The following SGCZ variants were observed in gnomAD, a reference collection of about 807,000 sequenced individuals.
SGCZ encodes the protein zeta-sarcoglycan.
SGCZ carries 40 observed loss-of-function variants against 41.3 expected under a neutral mutation model. That is an observed-to-expected ratio of 0.97 (90% CI 0.75 to 1.26). The LOEUF (loss-of-function observed/expected upper bound fraction) is 1.26. Among genes scored for constraint, SGCZ ranks in the 50% most tolerant of loss-of-function variants. The pLI, the probability that SGCZ is intolerant of heterozygous loss-of-function variation, is 0.00. For synonymous variants in SGCZ, 206 were observed against 137.5 expected (o/e 1.50, Z -3.49); for missense variants, 552 against 369.8 (o/e 1.49, Z -4.04).
At chr8:15,209,507 G>A (rs11203687) in intron 1 of SGCZ, among the ~76,000 whole-genome samples, 118,093 of 150,192 alleles carry the variant, frequency 0.79, 46,916 homozygotes, top group Non-Finnish European at 0.83. Context: ...AAAAAAAGTG[G>A]CTTTCAGCTT....
At chr8:15,019,289 G>C (rs1168831205) in intron 1 of SGCZ, among the ~76,000 whole-genome samples, 2 of 152,154 alleles carry the variant, frequency 1.3e-5, no homozygotes, top group East Asian at 3.9e-4. Context: ...AGAAATGGAA[G>C]AATTTGGAAT....
intron 1 of SGCZ, among the ~76,000 whole-genome samples, chr8:15,025,155 A>C (rs148051534): frequency 5.2e-4 from 79 of 152,212 alleles, no homozygotes; most frequent in African/African-American, 1.9e-3. Flanking sequence ...AATGAAATTC[A>C]TAGTCTATTC....
chr8:14,130,829 T>A (rs564432296), intron 5 of SGCZ, among the ~76,000 whole-genome samples: 2 of 152,274 alleles, frequency 1.3e-5, no homozygotes, highest in African/African-American at 4.8e-5. Flanking sequence ...AGCTTCCCTT[T>A]TCTTTGTTGC....
intron 4 of SGCZ, among the ~76,000 whole-genome samples, chr8:14,181,663 T>C (rs1232252370): frequency 6.6e-6 from 1 of 152,212 alleles, no homozygotes; most frequent in Admixed American, 6.5e-5. Context: ...CAAGATCTGA[T>C]GGTTTTATAA....
At chr8:14,126,086 A>G (rs1367677001) in intron 5 of SGCZ, among the ~76,000 whole-genome samples, 1 of 152,232 alleles carries the variant, frequency 6.6e-6, no homozygotes, top group African/African-American at 2.4e-5. Flanking sequence ...TTTTATGGTG[A>G]CATAGCCAAA....
At chr8:14,184,983 G>A (rs553257895) in intron 4 of SGCZ, among the ~76,000 whole-genome samples, 2 of 152,076 alleles carry the variant, frequency 1.3e-5, no homozygotes, top group South Asian at 4.1e-4. Context: ...TTGACTAAGG[G>A]GTAGTAATTT....
intron 1 of SGCZ, among the ~76,000 whole-genome samples, chr8:14,637,404 T>G (rs116759360): frequency 0.019 from 2,857 of 151,744 alleles, 52 homozygotes; most frequent in African/African-American, 0.048. Context: ...GTTTGGAGCA[T>G]GGATCCCATC....
At position 14,810,319 on chromosome 8, in the gene SGCZ, A is replaced by G. The variant is rs140077515; in HGVS notation, c.40-255393T>C. On this transcript the variant is annotated intron_variant, in intron 1 of 7. Coordinates refer to ENST00000382080, the MANE Select transcript of SGCZ (RefSeq NM_139167.4). ...TGTTAGCCTGAAGTAAGGTATTGCT[A>G]TAGATATTTGAAGCAATGAGAAAGA... Among the ~76,000 whole-genome samples, 9 of 152,202 alleles carry G rather than the reference A, an allele frequency of 5.9e-5. No homozygotes were observed. The East Asian group carries it at 1.4e-3, about 23-fold the overall frequency.
intron 1 of SGCZ, among the ~76,000 whole-genome samples, chr8:15,091,056 G>T (rs1008013200): frequency 6.6e-6 from 1 of 152,150 alleles, no homozygotes; most frequent in Non-Finnish European, 1.5e-5. Flanking sequence ...CTAATTACCT[G>T]TTTTTATATT....
At chr8:14,956,978 C>T (rs1035733751) in intron 1 of SGCZ, among the ~76,000 whole-genome samples, 1 of 152,094 alleles carries the variant, frequency 6.6e-6, no homozygotes. Context: ...CACACACACA[C>T]ACTCACACAT....
At chr8:14,713,125 G>A (rs910367589) in intron 1 of SGCZ, among the ~76,000 whole-genome samples, 1 of 152,126 alleles carries the variant, frequency 6.6e-6, no homozygotes. Context: ...AATTAGCTAT[G>A]ATTAGAACTA....
intron 2 of SGCZ, among the ~76,000 whole-genome samples, chr8:14,401,081 G>A (rs1418635990): frequency 1.3e-5 from 2 of 152,086 alleles, no homozygotes; most frequent in African/African-American, 2.4e-5. Flanking sequence ...TTAATGGAAG[G>A]AAAGCAGTCC....
At chr8:15,007,331 T>C (rs13282338) in intron 1 of SGCZ, among the ~76,000 whole-genome samples, 76,002 of 151,732 alleles carry the variant, frequency 0.5, 19,257 homozygotes, top group South Asian at 0.55. Context: ...AATTTAAATG[T>C]AACTTTTGAA....
intron 1 of SGCZ, among the ~76,000 whole-genome samples, chr8:14,615,109 G>C (rs1392982214): frequency 6.6e-6 from 1 of 152,098 alleles, no homozygotes; most frequent in Non-Finnish European, 1.5e-5. Context: ...ACATAATTAT[G>C]ACAGTAAAGG....
chr8:14,350,239 C>A (rs1454646230), intron 2 of SGCZ, among the ~76,000 whole-genome samples: 2 of 147,902 alleles, frequency 1.4e-5, no homozygotes, highest in African/African-American at 4.9e-5. Context: ...TCTTAAGGAG[C>A]AAAACTTTTT....
chr8:14,926,163 C>T (rs1027858165), intron 1 of SGCZ, among the ~76,000 whole-genome samples: 2 of 152,046 alleles, frequency 1.3e-5, no homozygotes, highest in Non-Finnish European at 2.9e-5. Flanking sequence ...ATTTTTTCAG[C>T]AACATAGATA....
chr8:14,226,390 T>A (rs570289854), intron 4 of SGCZ, among the ~76,000 whole-genome samples: 150 of 152,212 alleles, frequency 9.9e-4, no homozygotes, highest in African/African-American at 3.5e-3. Context: ...GCTTTGTACC[T>A]AAACCCTCCC....
At chr8:14,368,054 A>C (rs73664321) in intron 2 of SGCZ, among the ~76,000 whole-genome samples, 6,807 of 152,154 alleles carry the variant, frequency 0.045, 494 homozygotes, top group African/African-American at 0.15. Flanking sequence ...ATAATTGTCA[A>C]GGTATTTAAA....
chr8:14,263,180 T>A (rs890712190), intron 3 of SGCZ, among the ~76,000 whole-genome samples: 2 of 152,118 alleles, frequency 1.3e-5, no homozygotes, highest in Admixed American at 1.3e-4. Context: ...CAACAAATCG[T>A]AAGTGTAAAT....
Sources: allele counts gnomAD v4.1 joint callset (sites outside exome capture counted in the v4.1 genomes callset), GRCh38; gene constraint gnomAD v4.1.1; transcripts MANE v1.5; gene names NCBI Gene and HGNC (gene_info 2026-07-23, HGNC 2026-07-21).